Variants in SVOPL observed in about 807,000 individuals in gnomAD.
SVOPL encodes SVOP like, also known as putative transporter SVOPL.
SVOPL carries 60 observed loss-of-function variants against 61.0 expected under a neutral mutation model. The ratio of observed to expected loss-of-function variants is 0.98; its 90% CI spans 0.80 to 1.22. The LOEUF is 1.22. Among genes scored for constraint, SVOPL ranks in the 50% most tolerant of loss-of-function variants. SVOPL has a pLI of 0.00. For synonymous variants in SVOPL, 279 were observed against 250.0 expected, an observed-to-expected ratio of 1.12 and a Z score of -1.09; for missense variants, 662 against 643.9, an observed-to-expected ratio of 1.03 and a Z score of -0.30.
At chr7:138,641,842 T>TAAC (rs1440451020) in intron 9 of SVOPL, among the ~76,000 whole-genome samples, 1 of 142,336 alleles carries the variant, frequency 7.0e-6, no homozygotes, top group Non-Finnish European at 1.5e-5. Flanking sequence ...ATAACATATA[T>TAAC]ATATAACATA....
intron 9 of SVOPL, among the ~76,000 whole-genome samples, chr7:138,640,703 A>AG (rs1800740511): frequency 6.6e-6 from 1 of 152,164 alleles, no homozygotes. Context: ...TTTAAGTGGG[A>AG]GCTCAACATT....
chr7:138,689,986 C>T (rs765374899), intron 1 of SVOPL, among the ~76,000 whole-genome samples: 11 of 151,820 alleles, frequency 7.2e-5, no homozygotes, highest in Admixed American at 1.3e-4. Flanking sequence ...CCTGGCAACA[C>T]GAAGGCAGAT....
intron 12 of SVOPL, among the ~76,000 whole-genome samples, chr7:138,627,061 C>T (rs1378379531): frequency 6.6e-6 from 1 of 152,088 alleles, no homozygotes; most frequent in East Asian, 1.9e-4. Context: ...ACCAGAGTCC[C>T]GATTCTCCAG....
intron 11 of SVOPL, 50 bp from the exon 12 acceptor site, chr7:138,627,511 G>T: frequency 1.4e-6 from 2 of 1,388,558 alleles, no homozygotes; most frequent in Non-Finnish European, 2.0e-6. Context: ...AAGGCAAGTG[G>T]CATATTGCAA....
At chr7:138,669,638 T>C (rs1802366187) in intron 4 of SVOPL, among the ~76,000 whole-genome samples, 1 of 152,138 alleles carries the variant, frequency 6.6e-6, no homozygotes. Context: ...CTTCCTGTAA[T>C]GCGTGCCTCA....
At chr7:138,620,103 T>C (rs1303181088) in intron 14 of SVOPL, among the ~76,000 whole-genome samples, 6 of 147,156 alleles carry the variant, frequency 4.1e-5, no homozygotes, top group Non-Finnish European at 8.9e-5. Flanking sequence ...TTTTTTTTCT[T>C]TTTTGTTTTT....
chr7:138,657,314 C>G (rs1288856044), intron 6 of SVOPL, among the ~76,000 whole-genome samples: 1 of 152,008 alleles, frequency 6.6e-6, no homozygotes, highest in East Asian at 1.9e-4. Context: ...CACCACCACA[C>G]CCAGCTAATT....
chr7:138,652,163 T>C (rs1801473141), intron 7 of SVOPL, among the ~76,000 whole-genome samples: 1 of 152,124 alleles, frequency 6.6e-6, no homozygotes, highest in South Asian at 2.1e-4. Flanking sequence ...GCGATTCTCC[T>C]GCCTCAGCCT....
Position 138,671,522 on chromosome 7 carries a change from AT to A in SVOPL, c.273+496del, listed in dbSNP as rs781186252. On this transcript the variant is annotated intron_variant, in intron 4 of 15. Transcript: ENST00000674285. ...ACCACCACATCTTGCTAATTTTTGT[AT>A]TTTTAGTAGAGACGGGGTTTCACCA... Among the ~76,000 whole-genome samples the A allele has an allele frequency of 1.1e-3, 167 of 152,128 alleles. 1 individual carries two copies. Among genetic ancestry groups the A allele is most frequent in the Non-Finnish European group, 2.2e-3 (148 of 67,992 alleles).
intron 14 of SVOPL, among the ~76,000 whole-genome samples, chr7:138,614,687 C>T (rs751835734): frequency 5.9e-5 from 9 of 152,088 alleles, no homozygotes; most frequent in Non-Finnish European, 7.4e-5. Context: ...TGGACCACCA[C>T]GCCCGGCTGG....
Position 138,663,126 on chromosome 7 carries a change from A to G in SVOPL, c.293T>C (p.Met98Thr). ...LVTTMVFFGYMVFSILFGLLA... is the reference protein window; with the variant it reads ...LVTTMVFFGYTVFSILFGLLA... ...GAGGCCAAAGAGGATACTGAAAACCATGTAGCCAAAAAACACCATCTGCAA... is the reference window on the plus strand; with the variant it reads ...GAGGCCAAAGAGGATACTGAAAACCGTGTAGCCAAAAAACACCATCTGCAA... The change falls in exon 5 of 16, where the codon ATG becomes ACG. Residue 98 changes from methionine (M) to threonine (T), a missense_variant. Coordinates refer to ENST00000674285, the MANE Select transcript of SVOPL (RefSeq NM_001139456.2). 1 of 1,614,112 alleles carries G rather than the reference A, an allele frequency of 6.2e-7. No homozygotes were observed. The highest frequency in any genetic ancestry group is 2.2e-5 in the East Asian group (1 of 44,894).
chr7:138,698,540 C>T (rs1276575587), intron 1 of SVOPL, among the ~76,000 whole-genome samples: 4 of 152,130 alleles, frequency 2.6e-5, no homozygotes, highest in African/African-American at 7.2e-5. Flanking sequence ...GCCTGGAAAC[C>T]GAGGACCAAG....
At chr7:138,663,603 A>G (rs564382772) in intron 4 of SVOPL, 199 of 989,316 alleles carry the variant, frequency 2.0e-4, no homozygotes, top group Admixed American at 2.4e-4. Context: ...CAGAACATTC[A>G]TAAGTCCTAA....
At chr7:138,622,042 C>CTATCTATG (rs1799630366) in intron 13 of SVOPL, among the ~76,000 whole-genome samples, 1 of 73,812 alleles carries the variant, frequency 1.4e-5, no homozygotes, top group Admixed American at 1.4e-4. Context: ...ATCTATGTAT[C>CTATCTATG]TATCTATCTA....
At chr7:138,612,405 T>TAAAAAAAAAAAAAAAAAAAAA (rs1158818070) in intron 14 of SVOPL, among the ~76,000 whole-genome samples, 1 of 9,330 alleles carries the variant, frequency 1.1e-4, no homozygotes, top group Non-Finnish European at 2.0e-4. Flanking sequence ...AAAAATAAAT[T>TAAAAAAAAAAAAAAAAAAAAA]AAAAAAAAAA....
intron 14 of SVOPL, among the ~76,000 whole-genome samples, chr7:138,620,444 CAAAA>C (rs3080386): frequency 5.7e-5 from 5 of 87,292 alleles, no homozygotes; most frequent in African/African-American, 8.5e-5. Flanking sequence ...TCTTTGCAGC[CAAAA>C]AAAAAAAAAA....
intron 7 of SVOPL, among the ~76,000 whole-genome samples, chr7:138,654,496 G>GTTTT (rs1212185361): frequency 1.6e-4 from 11 of 69,694 alleles, no homozygotes; most frequent in African/African-American, 5.1e-4. Flanking sequence ...GGTTTACTGA[G>GTTTT]TTTGTTTTTT....
At chr7:138,682,588 A>G (rs918791882) in intron 1 of SVOPL, among the ~76,000 whole-genome samples, 10 of 152,192 alleles carry the variant, frequency 6.6e-5, no homozygotes, top group Non-Finnish European at 1.3e-4. Flanking sequence ...GAACCTATAG[A>G]CTAAAATAAA....
In SVOPL at chr7:138,620,119, G is replaced by GTTT. The variant is rs375556204; in HGVS notation, c.1353+924_1353+926dup. ...TTTTTTTCTTTTTTGTTTTTTTTCT[G>GTTT]TTTTGTTTTTTTTTTTTTTTTGAGA... On this transcript the variant is annotated intron_variant, in intron 14 of 15. Transcript: ENST00000674285. Among the ~76,000 whole-genome samples the GTTT allele has an allele frequency of 1.1e-3, 124 of 114,560 alleles. 2 individuals are homozygous for GTTT. Among genetic ancestry groups the GTTT allele is most frequent in the African/African-American group, 3.4e-3 (109 of 31,814 alleles). The allele number at this position is 114,560 out of a possible 152,430, so 75.2% of individuals were successfully genotyped here. A position where few individuals can be genotyped will look rare whatever the true frequency, so the allele number is the denominator to read the frequency against.
Sources: gnomAD v4.1 joint callset for allele counts (sites outside exome capture counted in the v4.1 genomes callset) on GRCh38, gnomAD v4.1.1 for gene constraint, MANE v1.5 for transcripts, NCBI Gene and HGNC (gene_info 2026-07-23, HGNC 2026-07-21) for gene names.